Variants in FAM50A observed in about 807,000 individuals in gnomAD.
The protein encoded by FAM50A is family with sequence similarity 50 member A.
Under a neutral mutation model 35.5 loss-of-function variants are expected in FAM50A, and 6 were observed. That is an observed-to-expected ratio of 0.17 (90% CI 0.09 to 0.33). FAM50A has a LOEUF of 0.33. FAM50A is among the 10% of genes least tolerant of loss of function. The probability of loss-of-function intolerance (pLI) is 1.00; values close to 1 mark genes in which losing one functional copy is unlikely to be tolerated. For missense variants in FAM50A, 145 were observed against 295.5 expected, an observed-to-expected ratio of 0.49 and a Z score of 3.73; for synonymous variants, 120 against 110.9, an observed-to-expected ratio of 1.08 and a Z score of -0.52.
chrX:154,446,617 T>C, intron 4 of FAM50A, 57 bp downstream of exon 4: 3 of 1,104,521 alleles, frequency 2.7e-6, no homozygotes, highest in Non-Finnish European at 3.6e-6. Context: ...GGGTCCCCAA[T>C]GTGAGAGGCT....
intron 3 of FAM50A, 180 bp from the exon 4 acceptor site, chrX:154,446,235 G>C: frequency 2.1e-6 from 1 of 473,678 alleles, no homozygotes; most frequent in Non-Finnish European, 3.7e-6. Context: ...GTTTGTAACA[G>C]AGCCCTCGCC....
chrX:154,446,168 C>T (rs2068781999), intron 3 of FAM50A: 2 of 447,274 alleles, frequency 4.5e-6, no homozygotes, highest in Non-Finnish European at 7.9e-6. Flanking sequence ...GAGCAGCCTG[C>T]GTTCTCCCCA....
intron 1 of FAM50A, 125 bp downstream of exon 1, chrX:154,444,471 C>T (rs1191814447): frequency 7.1e-6 from 2 of 282,543 alleles, no homozygotes; most frequent in Non-Finnish European, 5.8e-6. Context: ...GGGGCAGGCC[C>T]CTGGCTCGCT....
chrX:154,450,113 G>A lies in FAM50A; in HGVS notation c.900+14G>A. On this transcript the variant is annotated intron_variant, in intron 11 of 12. Transcript: ENST00000393600. ...GAGAAGGATGAGGTACAGCGTAGGG[G>A]GCCGTGTGAGGGGGAACGGGTGTCC... The A allele has an allele frequency of 8.3e-7, 1 of 1,205,704 alleles. No homozygotes were observed. Among genetic ancestry groups the A allele is most frequent in the East Asian group, 3.0e-5 (1 of 33,802 alleles).
intron 4 of FAM50A, 70 bp from the exon 5 acceptor site, chrX:154,448,413 AC>A: frequency 1.1e-6 from 1 of 928,114 alleles, no homozygotes; most frequent in South Asian, 2.0e-5. Context: ...TGCTTGGGGG[AC>A]CCTGGGCGTC....
chrX:154,449,822 G>T, intron 9 of FAM50A, 61 bp from the exon 10 acceptor site: 2 of 1,194,162 alleles, frequency 1.7e-6, no homozygotes, highest in Non-Finnish European at 2.3e-6. Flanking sequence ...CGCAGGCGGG[G>T]GGTGTGGGGA....
At chrX:154,445,117 G>A (rs1557199649) in intron 1 of FAM50A, among the ~76,000 whole-genome samples, 1 of 111,178 alleles carries the variant, frequency 9.0e-6, no homozygotes, top group African/African-American at 3.3e-5. Flanking sequence ...CAAGCAGAAG[G>A]TGTATTTCTC....
chrX:154,448,404 G>A (rs1429563831), intron 4 of FAM50A, 80 bp from the exon 5 acceptor site: 51 of 871,305 alleles, frequency 5.9e-5, no homozygotes, highest in Non-Finnish European at 7.6e-5. Context: ...CTCAAGGTAT[G>A]CTTGGGGGAC....
At chrX:154,448,793 C>A in intron 6 of FAM50A, 37 bp downstream of exon 6, 1 of 1,198,083 alleles carries the variant, frequency 8.3e-7, no homozygotes, top group Non-Finnish European at 1.1e-6. Context: ...GGGGCCTGGG[C>A]CCAAGCCAGC....
chrX:154,449,894 C>T lies in FAM50A; in HGVS notation c.792C>T (p.Phe264=). ...CCCTTGGCTCCCAGCATCACAGCTT[C>T]TACGACTTCATCGTCACCAAGGCAC... ...EDLIIPHHHS[F]YDFIVTKARG... The change falls in exon 10 of 13, where the codon TTC becomes TTT. Residue 264 remains phenylalanine (F), a synonymous_variant. Transcript: ENST00000393600. The T allele has an allele frequency of 8.3e-7, 1 of 1,211,615 alleles. No homozygotes were observed. Among genetic ancestry groups the T allele is most frequent in the Non-Finnish European group, 1.1e-6 (1 of 895,405 alleles).
rs2068802389 is a variant in FAM50A at position 154,450,641 on chromosome X, A to G, written c.*209A>G. ...CACGTGTCAGAGCTGGAGCGCCTGC[A>G]TTGTGAGAAACCATTTGTGTTCGGA... On this transcript the variant is annotated 3_prime_UTR_variant, in exon 13 of 13. Coordinates refer to ENST00000393600, the MANE Select transcript of FAM50A (RefSeq NM_004699.4). 9.1e-6 allele frequency: 4 copies of G among 441,742 alleles called. No individual in the cohort carries two copies. The highest frequency in any genetic ancestry group is 1.6e-5 in the Non-Finnish European group (4 of 253,688). The allele number at this position is 441,742 out of a possible 1,213,427, so 36.4% of individuals were successfully genotyped here.
chrX:154,446,686 C>T (rs1467887046), intron 4 of FAM50A, 126 bp downstream of exon 4: 19 of 948,716 alleles, frequency 2.0e-5, no homozygotes, highest in African/African-American at 8.1e-5. Context: ...TGAGGCACCG[C>T]GCACAGTAGA....
In FAM50A at chrX:154,446,438, A is replaced by G. The variant is rs782043375; in HGVS notation, c.320A>G (p.Lys107Arg). 2.8e-5 allele frequency: 34 copies of G among 1,209,676 alleles called. No homozygotes were observed. Among genetic ancestry groups the G allele is most frequent in the Non-Finnish European group, 3.8e-5 (34 of 894,709 alleles). Residue 107 changes from lysine (K) to arginine (R), a missense_variant, in exon 4 of 13, where the codon AAG becomes AGG. Physicochemically the swap from Lys to Arg is conservative, Grantham distance 26. This residue lies in a region of FAM50A where 31 missense variants were observed against 75.2 expected (regional missense o/e 0.41). Transcript: ENST00000393600. ...AGGAAGCTGGAGAAGCTTCGAGAGA[A>G]GGAGCGTAAGAAGGAAGCCAAGCGG... is the stretch of plus-strand genomic sequence containing the variant. The part of the protein sequence containing the change: ...LQMKLEKLRE[K>R]ERKKEAKRKI...
Position 154,446,531 on chromosome X carries a change from C to T in FAM50A, c.413C>T (p.Ala138Val). ...EEGGEEEEEA[A>V]MYEEEMEREE... is the part of the protein sequence containing the mutation. ...GGAGGCGAGGAGGAAGAGGAGGCGG[C>T]CATGTATGAGGAGGAGATGGAAAGG... is the stretch of plus-strand genomic sequence containing the variant. The change falls in exon 4 of 13, where the codon GCC becomes GTC. Residue 138 changes from alanine to valine, a missense_variant. Physicochemically the swap from Ala to Val is moderately conservative, Grantham distance 64. Transcript: ENST00000393600. 8.4e-7 allele frequency: 1 copy of T among 1,184,266 alleles called. No individual in the cohort carries two copies. The highest frequency in any genetic ancestry group is 1.9e-5 in the South Asian group (1 of 53,607).
rs782317092 is a variant in FAM50A, at chrX:154,448,702, C to T, written c.532C>T (p.Arg178Trp). ...CTCCCTCTCCCAGGAGGAGGAGAAT[C>T]GGCTTCGGGAAGAGCTGCGGCAGGA... Reference protein sequence around the residue: ...PDRDREEEENRLREELRQEWE... With the variant: ...PDRDREEEENWLREELRQEWE... Residue 178 changes from arginine to tryptophan, a missense_variant, in exon 6 of 13, where the codon CGG becomes TGG. Physicochemically the swap from Arg to Trp is moderately radical, Grantham distance 101 (BLOSUM62 -3). Coordinates refer to ENST00000393600, the MANE Select transcript of FAM50A (RefSeq NM_004699.4). The T allele has an allele frequency of 4.1e-6, 5 of 1,207,341 alleles. No individual in the cohort carries two copies. Among genetic ancestry groups the T allele is most frequent in the Admixed American group, 2.2e-5 (1 of 45,443 alleles).
intron 4 of FAM50A, among the ~76,000 whole-genome samples, chrX:154,447,022 G>A (rs1294334182): frequency 8.9e-6 from 1 of 111,940 alleles, no homozygotes; most frequent in Non-Finnish European, 1.9e-5. Context: ...CCTGGCCAGG[G>A]CACATAGGGT....
rs374036563 is a variant in FAM50A, at chrX:154,445,873, G to A, written c.258G>A (p.Lys86=). ...AGGCTCTGGTGAAGGAGCGGGAGAA[G>A]CAGCTGGCCAAGAAGGAGCAGTCCA... ...KQEALVKERE[K]QLAKKEQSKE... The change falls in exon 3 of 13, where the codon AAG becomes AAA. Residue 86 remains lysine (K), a synonymous_variant. Coordinates refer to ENST00000393600, the MANE Select transcript of FAM50A (RefSeq NM_004699.4). 263 of 1,209,161 alleles carry A rather than the reference G, an allele frequency of 2.2e-4. 1 individual carries two copies. The highest frequency in any genetic ancestry group is 6.7e-6 in the Non-Finnish European group (6 of 894,497).
At position 154,444,205 on chromosome X, in the gene FAM50A, C is replaced by G. The variant is rs2068771600; in HGVS notation, c.-31C>G. The G allele has an allele frequency of 1.3e-5, 5 of 386,311 alleles. No homozygotes were observed. Among genetic ancestry groups the G allele is most frequent in the Non-Finnish European group, 1.0e-5 (3 of 299,965 alleles). 31.8% of individuals were successfully genotyped at this position (386,311 alleles called of 1,213,427 possible). ...TGTCGCTGTCGCCGCCGCCGCCGCC[C>G]GCCGCCGCCGCCGCCGCCGCCGCCG... On this transcript the variant is annotated 5_prime_UTR_variant, in exon 1 of 13. Transcript: ENST00000393600.
In FAM50A at chrX:154,447,449, C is replaced by A. The variant is rs782624622; in HGVS notation, c.442+889C>A. The stretch of plus-strand genomic sequence containing the variant: ...TAGGGAGGAAGAACCTGCCAGCCAC[C>A]TGCCATTTGGGTTCCATGTTCCAGC... On this transcript the variant is annotated intron_variant, in intron 4 of 12. Transcript: ENST00000393600. 3.6e-5 allele frequency among the ~76,000 whole-genome samples: 4 copies of A among 111,362 alleles called. No homozygotes were observed. The East Asian group carries it at 1.1e-3, about 31-fold the overall frequency.
Sources: allele counts gnomAD v4.1 joint callset (sites outside exome capture counted in the v4.1 genomes callset), GRCh38; gene constraint gnomAD v4.1.1; regional missense constraint gnomAD v4.1.1; transcripts MANE v1.5; gene names NCBI Gene and HGNC (gene_info 2026-07-23, HGNC 2026-07-21).